The following PGBD5 variants were observed in gnomAD, a reference collection of about 807,000 sequenced individuals.
PGBD5 encodes piggyBac transposable element-derived protein 5.
In PGBD5, 14 loss-of-function variants were observed where a neutral mutation model predicts 47.9. The observed-to-expected ratio is 0.29, with a 90% CI of 0.19 to 0.46. The LOEUF (loss-of-function observed/expected upper bound fraction) is 0.46. PGBD5 is among the 20% of genes least tolerant of loss of function. PGBD5 has a pLI of 1.00. For synonymous variants in PGBD5, 316 were observed against 306.3 expected (o/e 1.03, Z -0.33); for missense variants, 635 against 716.0 (o/e 0.89, Z 1.29).
In PGBD5 at chr1:230,323,434, C is replaced by G. The variant is rs61442386; in HGVS notation, c.1566G>C (p.Pro522=). The stretch of plus-strand genomic sequence containing the variant: ...TCCTGCGCCCCCAGCATCAGTGGGT[C>G]GGAGAGGCATCCTCCAAGCCCAGCA... ...RELLGLEDAS[P]TH The change falls in exon 7 of 7, where the codon CCG becomes CCC. Residue 522 remains proline, a synonymous_variant. Transcript: ENST00000391860. The surrounding 1 kb of genome is among the most constrained non-coding windows in gnomAD (Gnocchi z 4.1). 6.2e-6 allele frequency: 10 copies of G among 1,613,066 alleles called. No individual in the cohort carries two copies. The African/African-American group carries it at 6.7e-5, about 11-fold the overall frequency.
intron 5 of PGBD5, among the ~76,000 whole-genome samples, 177 bp from the exon 6 acceptor site, chr1:230,325,592 G>A (rs934595077): frequency 6.6e-6 from 1 of 152,124 alleles, no homozygotes; most frequent in South Asian, 2.1e-4. Context: ...TGCTTCAGAG[G>A]GATTGAGGAA....
chr1:230,362,280 C>T (rs1444916486), intron 1 of PGBD5: 1 of 1,367,092 alleles, frequency 7.3e-7, no homozygotes, highest in East Asian at 4.5e-5. Flanking sequence ...CACCTCCATG[C>T]TCTGCACTGA....
At chr1:230,401,595 T>C (rs1390124663) in intron 1 of PGBD5, among the ~76,000 whole-genome samples, 1 of 152,204 alleles carries the variant, frequency 6.6e-6, no homozygotes, top group Non-Finnish European at 1.5e-5. Flanking sequence ...TTCACTCACC[T>C]CTGACTTCCA....
chr1:230,390,256 G>C (rs868633914), intron 1 of PGBD5, among the ~76,000 whole-genome samples: 2 of 152,116 alleles, frequency 1.3e-5, no homozygotes, highest in African/African-American at 4.8e-5. Context: ...CTATCTTCCA[G>C]GTGAAAGGGA....
At chr1:230,347,856 C>T (rs1239520242) in intron 3 of PGBD5, among the ~76,000 whole-genome samples, 2 of 152,120 alleles carry the variant, frequency 1.3e-5, no homozygotes, top group Non-Finnish European at 2.9e-5. Flanking sequence ...AATCGATGTG[C>T]CATATAATAA....
At chr1:230,393,784 C>T (rs1370454527) in intron 1 of PGBD5, among the ~76,000 whole-genome samples, 1 of 144,110 alleles carries the variant, frequency 6.9e-6, no homozygotes, top group East Asian at 2.1e-4. Flanking sequence ...GAGATCGCGC[C>T]ACAGCACTCC....
chr1:230,409,704 T>C (rs1294814478), intron 1 of PGBD5, among the ~76,000 whole-genome samples: 5 of 152,162 alleles, frequency 3.3e-5, no homozygotes, highest in Non-Finnish European at 7.4e-5. Context: ...AGTTTCTTTA[T>C]GGGGTGATGG....
rs1160661853 is a variant in PGBD5 at position 230,317,605 on chromosome 1, G to C, written c.*5820C>G. On this transcript the variant is annotated 3_prime_UTR_variant, in exon 7 of 7. Coordinates refer to ENST00000391860, the MANE Select transcript of PGBD5 (RefSeq NM_001258311.2). Reference sequence around the variant, plus strand: ...TGACCCTTGGGGAGGGGAGGGCCGAGGCTGATTTATCTGGCGGGCTCAGCC... The same window carrying C: ...TGACCCTTGGGGAGGGGAGGGCCGACGCTGATTTATCTGGCGGGCTCAGCC... The C allele has an allele frequency of 6.6e-6, 1 of 152,112 alleles. No individual in the cohort carries two copies. Among genetic ancestry groups the C allele is most frequent in the East Asian group, 1.9e-4 (1 of 5,176 alleles). 9.4% of individuals were successfully genotyped at this position (152,112 alleles called of 1,614,324 possible).
Position 230,350,940 on chromosome 1 carries a change from G to T in PGBD5, c.894+18C>A, listed in dbSNP as rs778913656. The T allele has an allele frequency of 3.1e-6, 5 of 1,612,334 alleles. No homozygotes were observed. The highest frequency in any genetic ancestry group is 4.2e-6 in the Non-Finnish European group (5 of 1,179,278). ...GACCCTCTTCACCGACCCTCCCCGG[G>T]CTCAGCCCAGGGCTCACCTGGATGA... On this transcript the variant is annotated intron_variant, in intron 3 of 6. Transcript: ENST00000391860.
chr1:230,394,942 G>C (rs1368530771), intron 1 of PGBD5, among the ~76,000 whole-genome samples: 2 of 91,854 alleles, frequency 2.2e-5, no homozygotes. Context: ...CTCCACTCAC[G>C]CTCCTGCTGA....
intron 3 of PGBD5, among the ~76,000 whole-genome samples, chr1:230,350,093 C>T (rs112224215): frequency 1.3e-5 from 2 of 152,224 alleles, no homozygotes; most frequent in African/African-American, 2.4e-5. Flanking sequence ...AGTGCAAAAA[C>T]CCTGTGCCTT....
intron 4 of PGBD5, among the ~76,000 whole-genome samples, chr1:230,335,813 AT>A (rs1667311353): frequency 5.0e-5 from 7 of 139,640 alleles, no homozygotes; most frequent in African/African-American, 1.3e-4. Flanking sequence ...ACACAGACAC[AT>A]ACACTGACAC....
intron 1 of PGBD5, among the ~76,000 whole-genome samples, chr1:230,378,417 T>C (rs550442420): frequency 6.6e-6 from 1 of 152,378 alleles, no homozygotes; most frequent in East Asian, 1.9e-4. Context: ...TCTCTCTGTA[T>C]TCAGAAATCT....
At chr1:230,362,082 A>G (rs2003356) in intron 1 of PGBD5, among the ~76,000 whole-genome samples, 100,251 of 151,918 alleles carry the variant, frequency 0.66, 33,950 homozygotes, top group Non-Finnish European at 0.74. Context: ...GGGTCTGGTC[A>G]CTGTCACAGG....
rs1177430903 is a variant in PGBD5 at position 230,357,855 on chromosome 1, A to G, written c.332-534T>C. On this transcript the variant is annotated intron_variant, in intron 1 of 6. Coordinates refer to ENST00000391860, the MANE Select transcript of PGBD5 (RefSeq NM_001258311.2). The surrounding 1 kb of genome is among the most constrained non-coding windows in gnomAD (Gnocchi z 5.7). ...TGTAAGTTTTAAAATTAAAATGTGCATATTTATACATATAAATTAAAAGCA... is the reference window on the plus strand; with the variant it reads ...TGTAAGTTTTAAAATTAAAATGTGCGTATTTATACATATAAATTAAAAGCA... Among the ~76,000 whole-genome samples the G allele has an allele frequency of 6.6e-6, 1 of 152,208 alleles. No individual in the cohort carries two copies. The highest frequency in any genetic ancestry group is 1.5e-5 in the Non-Finnish European group (1 of 68,030).
rs998751608 is a variant in PGBD5 at position 230,323,417 on chromosome 1, C to T, written c.*8G>A. ...CCCCTCCCTTGACCGAGTCCTGCGC[C>T]CCCAGCATCAGTGGGTCGGAGAGGC... On this transcript the variant is annotated 3_prime_UTR_variant, in exon 7 of 7. Coordinates refer to ENST00000391860, the MANE Select transcript of PGBD5 (RefSeq NM_001258311.2). The surrounding 1 kb of genome is among the most constrained non-coding windows in gnomAD (Gnocchi z 4.1). The T allele has an allele frequency of 2.5e-6, 4 of 1,611,450 alleles. No homozygotes were observed. In the African/African-American group the frequency reaches 4.0e-5, roughly 16 times the overall value.
rs372306456 is a variant in PGBD5, at chr1:230,368,186, G to C, written c.332-10865C>G. The C allele has an allele frequency of 1.0e-5, 14 of 1,350,452 alleles. No individual in the cohort carries two copies. In the African/African-American group the frequency reaches 2.1e-4, roughly 20 times the overall value. 83.7% of individuals were successfully genotyped at this position (1,350,452 alleles called of 1,614,324 possible). A position where few individuals can be genotyped will look rare whatever the true frequency, so the allele number is the denominator to read the frequency against. On this transcript the variant is annotated intron_variant, in intron 1 of 6. Transcript: ENST00000391860. ...AGGTGGAGGAGAGAGAAGGCTTGGG[G>C]AGATGGATAAAAGCTGAAAGCTGAC...
chr1:230,326,850 T>C (rs958207680), intron 5 of PGBD5, among the ~76,000 whole-genome samples: 1 of 152,208 alleles, frequency 6.6e-6, no homozygotes, highest in East Asian at 1.9e-4. Context: ...CGTCCTTTCA[T>C]GCCTCCTCGA....
chr1:230,422,660 T>C (rs748429048), intron 1 of PGBD5, among the ~76,000 whole-genome samples: 2 of 151,694 alleles, frequency 1.3e-5, no homozygotes. Context: ...GACAGAAGAG[T>C]GGGCAAGGGC....
Sources: gnomAD v4.1 joint callset for allele counts (sites outside exome capture counted in the v4.1 genomes callset) on GRCh38, gnomAD v4.1.1 for gene constraint, Gnocchi (gnomAD v3.1) non-coding constraint, MANE v1.5 for transcripts, NCBI Gene and HGNC (gene_info 2026-07-23, HGNC 2026-07-21) for gene names.